HELLS: variants seen among roughly 807,000 people sequenced by gnomAD.
The protein encoded by HELLS is lymphoid-specific helicase.
HELLS carries 32 observed loss-of-function variants against 120.0 expected under a neutral mutation model. The observed-to-expected ratio is 0.27, with a 90% CI of 0.20 to 0.36. The LOEUF is 0.36. Among genes scored for constraint, HELLS ranks in the 10% least tolerant of loss-of-function variants. The pLI is 1.00. For synonymous variants in HELLS, 341 were observed against 323.4 expected, an observed-to-expected ratio of 1.05 and a Z score of -0.58; for missense variants, 650 against 993.4, an observed-to-expected ratio of 0.65 and a Z score of 4.65.
Position 94,545,990 on chromosome 10 carries a change from T to G in HELLS, c.31+38T>G, listed in dbSNP as rs763028135. 9 of 1,552,138 alleles carry G rather than the reference T, an allele frequency of 5.8e-6. No individual in the cohort carries two copies. The South Asian group carries it at 5.9e-5, about 10-fold the overall frequency. On this transcript the variant is annotated intron_variant, in intron 1 of 21. Coordinates refer to ENST00000348459, the MANE Select transcript of HELLS (RefSeq NM_018063.5). The stretch of plus-strand genomic sequence containing the variant: ...AACCTTTTGGGCGCGGGTGGCAGCC[T>G]GCGGGGCTGAGGTGGGCAAGCATGG...
intron 4 of HELLS, among the ~76,000 whole-genome samples, chr10:94,560,224 G>T (rs1036665684): frequency 3.9e-5 from 6 of 152,104 alleles, no homozygotes; most frequent in African/African-American, 1.2e-4. Flanking sequence ...AAGAGACAGG[G>T]TTTCACCATC....
chr10:94,554,642 G>GTGT (rs1564576834), intron 3 of HELLS, among the ~76,000 whole-genome samples: 3 of 135,976 alleles, frequency 2.2e-5, no homozygotes, highest in Non-Finnish European at 4.7e-5. Flanking sequence ...CAAAGTAATA[G>GTGT]TGTTTTTTTT....
At chr10:94,552,355 C>A (rs1337284262) in intron 2 of HELLS, among the ~76,000 whole-genome samples, 1 of 152,196 alleles carries the variant, frequency 6.6e-6, no homozygotes, top group Non-Finnish European at 1.5e-5. Flanking sequence ...GCCAGTGTTG[C>A]TTAAAGCAGG....
At chr10:94,558,021 TTAATTATGA>T in intron 3 of HELLS, 109 bp from the exon 4 acceptor site, 1 of 1,329,004 alleles carries the variant, frequency 7.5e-7, no homozygotes, top group African/African-American at 1.5e-5. Flanking sequence ...TCCCTGGTTT[TTAATTATGA>T]TAGACCTTAG....
At chr10:94,581,046 G>A (rs1422283215) in intron 10 of HELLS, among the ~76,000 whole-genome samples, 3 of 152,196 alleles carry the variant, frequency 2.0e-5, no homozygotes, top group Admixed American at 6.5e-5. Context: ...CAACTGCGTT[G>A]ACTAAGGTGT....
At chr10:94,559,482 G>A (rs1014260804) in intron 4 of HELLS, among the ~76,000 whole-genome samples, 2 of 151,570 alleles carry the variant, frequency 1.3e-5, no homozygotes, top group Non-Finnish European at 2.9e-5. Flanking sequence ...GTCTTGCTCT[G>A]TCGCCCAGGC....
intron 2 of HELLS, among the ~76,000 whole-genome samples, chr10:94,547,608 A>G (rs1197396128): frequency 1.3e-5 from 2 of 152,200 alleles, no homozygotes; most frequent in African/African-American, 4.8e-5. Context: ...ACTATTCTGT[A>G]AAGTAGATGT....
At chr10:94,596,608 A>G (rs1845752371) in intron 19 of HELLS, among the ~76,000 whole-genome samples, 2 of 152,194 alleles carry the variant, frequency 1.3e-5, no homozygotes, top group South Asian at 2.1e-4. Flanking sequence ...CTTTGTGGAC[A>G]TAATGCATTT....
At position 94,593,556 on chromosome 10, in the gene HELLS, G is replaced by C. The variant is rs1845594468; in HGVS notation, c.2029G>C (p.Gly677Arg). Residue 677 changes from glycine to arginine, a missense_variant, in exon 18 of 22, where the codon GGT becomes CGT. This residue lies in a region of HELLS where 191 missense variants were observed against 259.7 expected (regional missense o/e 0.74). Coordinates refer to ENST00000348459, the MANE Select transcript of HELLS (RefSeq NM_018063.5). ...TATCTTCTTAGTGAGTACACGAGCT[G>C]GTGGCCTGGGCATTAATCTGACTGC... Reference protein sequence around the residue: ...VFIFLVSTRAGGLGINLTAAD... With the variant: ...VFIFLVSTRARGLGINLTAAD... The C allele has an allele frequency of 6.2e-7, 1 of 1,613,832 alleles. No individual in the cohort carries two copies. Among genetic ancestry groups the C allele is most frequent in the Non-Finnish European group, 8.5e-7 (1 of 1,179,758 alleles).
intron 16 of HELLS, 39 bp from the exon 17 acceptor site, chr10:94,592,356 T>TA (rs1412059329): frequency 6.3e-7 from 1 of 1,581,728 alleles, no homozygotes; most frequent in East Asian, 2.2e-5. Flanking sequence ...ATTATTTTTT[T>TA]ATCAATCATT....
intron 3 of HELLS, among the ~76,000 whole-genome samples, 174 bp downstream of exon 3, chr10:94,554,422 C>A (rs1291332607): frequency 6.6e-6 from 1 of 152,188 alleles, no homozygotes; most frequent in Non-Finnish European, 1.5e-5. Flanking sequence ...ATACAGTGCA[C>A]TTCCATGAAC....
At chr10:94,592,190 GT>G in intron 15 of HELLS, 38 bp from the exon 16 acceptor site, 4 of 1,451,054 alleles carry the variant, frequency 2.8e-6, no homozygotes, top group Non-Finnish European at 3.8e-6. Flanking sequence ...GCAAATAACA[GT>G]TTTCTCTCTA....
intron 12 of HELLS, 22 bp downstream of exon 12, chr10:94,583,081 T>C: frequency 7.1e-7 from 1 of 1,401,610 alleles, no homozygotes; most frequent in Non-Finnish European, 1.0e-6. Context: ...TTTCTTATTC[T>C]GCTTAACCAT....
At chr10:94,564,531 T>C (rs1178261405) in intron 6 of HELLS, among the ~76,000 whole-genome samples, 3 of 152,222 alleles carry the variant, frequency 2.0e-5, no homozygotes. Context: ...CATTTCTCAC[T>C]TTTTACTTAA....
chr10:94,571,213 ATAT>A lies in HELLS; in HGVS notation c.436-171_436-169del, dbSNP rs111519515. 1.4e-3 allele frequency: 691 copies of A among 476,792 alleles called. 1 individual carries two copies. The highest frequency in any genetic ancestry group is 0.011 in the African/African-American group (527 of 49,828). 29.5% of individuals were successfully genotyped at this position (476,792 alleles called of 1,614,324 possible). A position where few individuals can be genotyped will look rare whatever the true frequency, so the allele number is the denominator to read the frequency against. ...CCAAATTAGCCTAGAATGTTATGAA[ATAT>A]TATGAGCCAGTAATGTCTATAGGCT... On this transcript the variant is annotated intron_variant, in intron 6 of 21. Coordinates refer to ENST00000348459, the MANE Select transcript of HELLS (RefSeq NM_018063.5).
chr10:94,579,057 C>T (rs1844673686), intron 10 of HELLS, among the ~76,000 whole-genome samples: 2 of 152,128 alleles, frequency 1.3e-5, no homozygotes, highest in South Asian at 4.1e-4. Flanking sequence ...TGGACCCCTA[C>T]AGGTCTGTGA....
intron 3 of HELLS, among the ~76,000 whole-genome samples, chr10:94,555,451 A>T (rs892503772): frequency 3.9e-5 from 6 of 152,014 alleles, no homozygotes; most frequent in Admixed American, 3.9e-4. Context: ...ATAAATAAAT[A>T]AAAAAAACCC....
At chr10:94,612,254 T>C (rs986133028) in exon 10 of HELLS, 2 of 152,196 alleles carry the variant, frequency 1.3e-5, no homozygotes, top group African/African-American at 4.8e-5. Flanking sequence ...ATAGTACCTA[T>C]TATAAGAAAC....
In HELLS at chr10:94,588,213, C is replaced by T. The variant is rs1327057896; in HGVS notation, c.1327-16C>T. ...TGTTTAATACTCATATTTTTCTGTT[C>T]ATGTTTTAATTTTAGATTTTAACAC... On this transcript the variant is annotated splice_polypyrimidine_tract_variant and intron_variant, in intron 12 of 21. Coordinates refer to ENST00000348459, the MANE Select transcript of HELLS (RefSeq NM_018063.5). The T allele has an allele frequency of 6.6e-7, 1 of 1,513,708 alleles. No homozygotes were observed. The highest frequency in any genetic ancestry group is 9.1e-7 in the Non-Finnish European group (1 of 1,099,152). The allele number at this position is 1,513,708 out of a possible 1,614,324, so 93.8% of individuals were successfully genotyped here. A position where few individuals can be genotyped will look rare whatever the true frequency, so the allele number is the denominator to read the frequency against.
Sources: gnomAD v4.1 joint callset for allele counts (sites outside exome capture counted in the v4.1 genomes callset) on GRCh38, gnomAD v4.1.1 for gene constraint, gnomAD v4.1.1 regional missense constraint, MANE v1.5 for transcripts, NCBI Gene and HGNC (gene_info 2026-07-23, HGNC 2026-07-21) for gene names.